The following ABTB2 variants were observed in gnomAD, a reference collection of about 807,000 sequenced individuals.
ABTB2 encodes the protein ankyrin repeat and BTB/POZ domain-containing protein 2.
ABTB2 carries 56 observed loss-of-function variants against 104.1 expected under a neutral mutation model. The ratio of observed to expected loss-of-function variants is 0.54; its 90% CI spans 0.43 to 0.67. The LOEUF (loss-of-function observed/expected upper bound fraction) is 0.67. Ranked by LOEUF, ABTB2 falls within the 30% of genes least tolerant of loss-of-function variation. The pLI is 0.00. For synonymous variants in ABTB2, 606 were observed against 608.2 expected (o/e 1.00, Z 0.05); for missense variants, 1,279 against 1,407.7 (o/e 0.91, Z 1.46).
At chr11:34,285,903 G>A (rs1201535066) in intron 1 of ABTB2, among the ~76,000 whole-genome samples, 6 of 152,196 alleles carry the variant, frequency 3.9e-5, no homozygotes, top group Non-Finnish European at 8.8e-5. Flanking sequence ...TTGATGGGCA[G>A]CCTCTGTCCT....
chr11:34,160,770 GGC>G (rs1190459445), intron 11 of ABTB2, 131 bp downstream of exon 11: 1 of 975,226 alleles, frequency 1.0e-6, no homozygotes, highest in African/African-American at 1.7e-5. Context: ...GCTGAGGGCA[GGC>G]GTGTGAGTGT....
At chr11:34,323,500 T>A (rs1855029925) in intron 1 of ABTB2, among the ~76,000 whole-genome samples, 1 of 152,152 alleles carries the variant, frequency 6.6e-6, no homozygotes. Flanking sequence ...TCTCCTTGAG[T>A]CTTTCACATT....
In ABTB2 at chr11:34,197,481, C is replaced by G. The variant is rs777365547; in HGVS notation, c.1088G>C (p.Gly363Ala). ...HMQGRHPLCP[G>A]ASPARQARQP... The stretch of plus-strand genomic sequence containing the variant: ...GCGGGCCTGGCGGGCAGGGCTGGCA[C>G]CCGGGCACAGGGGGTGACGCCCCTG... Residue 363 changes from glycine to alanine, a missense_variant, in exon 3 of 17, where the codon GGT (glycine) becomes GCT (alanine). Transcript: ENST00000435224. The G allele has an allele frequency of 6.3e-7, 1 of 1,582,950 alleles. No individual in the cohort carries two copies.
intron 7 of ABTB2, among the ~76,000 whole-genome samples, chr11:34,166,627 A>G (rs1235122790): frequency 6.6e-6 from 1 of 152,030 alleles, no homozygotes; most frequent in Non-Finnish European, 1.5e-5. Context: ...GTGCCATGAA[A>G]CCCTGCGCAT....
chr11:34,217,842 AC>A (rs2133048436), intron 1 of ABTB2, among the ~76,000 whole-genome samples: 1 of 152,374 alleles, frequency 6.6e-6, no homozygotes, highest in African/African-American at 2.4e-5. Flanking sequence ...CCTATGAGTA[AC>A]TAAGGAACTG....
chr11:34,272,943 C>G (rs1007542011), intron 1 of ABTB2, among the ~76,000 whole-genome samples: 2 of 152,036 alleles, frequency 1.3e-5, no homozygotes, highest in African/African-American at 4.8e-5. Flanking sequence ...AATTACATAA[C>G]TGCTCTGTGC....
chr11:34,240,058 C>T (rs1853893972), intron 1 of ABTB2, among the ~76,000 whole-genome samples: 2 of 152,176 alleles, frequency 1.3e-5, no homozygotes, highest in South Asian at 2.1e-4. Context: ...TTAATGGACA[C>T]AGAAGATTTG....
At chr11:34,343,655 G>GTTTTTTTTTTTTTTTTTTTTTT (rs1554928069) in intron 1 of ABTB2, among the ~76,000 whole-genome samples, 2 of 128,968 alleles carry the variant, frequency 1.6e-5, no homozygotes, top group Non-Finnish European at 3.8e-5. Context: ...TGTATTTTTA[G>GTTTTTTTTTTTTTTTTTTTTTT]TAGAGACAGG....
At chr11:34,247,546 GT>G (rs1854000750) in intron 1 of ABTB2, among the ~76,000 whole-genome samples, 1 of 152,254 alleles carries the variant, frequency 6.6e-6, no homozygotes, top group Admixed American at 6.5e-5. Context: ...ATGACGTTCA[GT>G]AGGTTAGGTG....
chr11:34,311,166 C>A (rs1854848298), intron 1 of ABTB2, among the ~76,000 whole-genome samples: 1 of 152,186 alleles, frequency 6.6e-6, no homozygotes. Context: ...CCAGGGGACC[C>A]TGACAGACCT....
chr11:34,243,096 T>C (rs897961807), intron 1 of ABTB2, among the ~76,000 whole-genome samples: 1 of 152,122 alleles, frequency 6.6e-6, no homozygotes, highest in Non-Finnish European at 1.5e-5. Flanking sequence ...CCAGTGGAAC[T>C]TTCTACCTTC....
chr11:34,271,607 A>G (rs1445134351), intron 1 of ABTB2, among the ~76,000 whole-genome samples: 1 of 152,078 alleles, frequency 6.6e-6, no homozygotes, highest in Non-Finnish European at 1.5e-5. Context: ...GGTGGCACAC[A>G]CCTGTGGTCC....
intron 1 of ABTB2, among the ~76,000 whole-genome samples, chr11:34,228,382 T>C (rs1453670360): frequency 6.9e-6 from 1 of 145,722 alleles, no homozygotes; most frequent in Admixed American, 6.9e-5. Context: ...TGTTTTCTTT[T>C]TGAGATAAGG....
chr11:34,278,915 G>T (rs1854416739), intron 1 of ABTB2, among the ~76,000 whole-genome samples: 2 of 152,222 alleles, frequency 1.3e-5, no homozygotes, highest in Admixed American at 1.3e-4. Flanking sequence ...AGTGGCCAAA[G>T]ATCCCAGCCA....
intron 1 of ABTB2, among the ~76,000 whole-genome samples, chr11:34,318,110 G>T (rs184413853): frequency 6.6e-6 from 1 of 152,064 alleles, no homozygotes; most frequent in African/African-American, 2.4e-5. Context: ...GGGACTACAC[G>T]CATGTGCCAC....
At position 34,159,810 on chromosome 11, in the gene ABTB2, G is replaced by T. The variant is rs1191184407; in HGVS notation, c.2606+96C>A. 4 of 961,746 alleles carry T rather than the reference G, an allele frequency of 4.2e-6. No individual in the cohort carries two copies. The African/African-American group carries it at 4.8e-5, about 12-fold the overall frequency. The allele number at this position is 961,746 out of a possible 1,614,324, so 59.6% of individuals were successfully genotyped here. ...GCAGTCTGAGGGGCAGAGGCTGCAG[G>T]GTACAGCCCCAGCGAGTCACTCTCT... On this transcript the variant is annotated intron_variant, in intron 13 of 16. Coordinates refer to ENST00000435224, the MANE Select transcript of ABTB2 (RefSeq NM_145804.3).
chr11:34,250,838 T>G (rs1480108964), intron 1 of ABTB2, among the ~76,000 whole-genome samples: 45 of 152,210 alleles, frequency 3.0e-4, no homozygotes, highest in Non-Finnish European at 4.4e-5. Flanking sequence ...AATTACCTTC[T>G]GCCTATTTAA....
chr11:34,327,423 C>T (rs1207574022), intron 1 of ABTB2, among the ~76,000 whole-genome samples: 3 of 152,138 alleles, frequency 2.0e-5, no homozygotes, highest in Non-Finnish European at 4.4e-5. Context: ...GAATCCACCC[C>T]CCTAGCCACT....
intron 1 of ABTB2, among the ~76,000 whole-genome samples, chr11:34,328,290 T>C (rs1022718972): frequency 6.6e-6 from 1 of 152,174 alleles, no homozygotes; most frequent in African/African-American, 2.4e-5. Context: ...GAGTACTTGC[T>C]TTTTTGACTG....
Sources: allele counts gnomAD v4.1 joint callset (sites outside exome capture counted in the v4.1 genomes callset), GRCh38; gene constraint gnomAD v4.1.1; transcripts MANE v1.5; gene names NCBI Gene and HGNC (gene_info 2026-07-23, HGNC 2026-07-21).